Variants in SLCO6A1 observed in about 807,000 individuals in gnomAD.
SLCO6A1 encodes the protein solute carrier organic anion transporter family member 6A1.
SLCO6A1 carries 65 observed loss-of-function variants against 72.7 expected under a neutral mutation model. The observed-to-expected ratio is 0.89, with a 90% CI of 0.73 to 1.10. The LOEUF is 1.10. Among genes scored for constraint, SLCO6A1 ranks in the 50% least tolerant of loss-of-function variants. The probability of loss-of-function intolerance (pLI) is 0.00; values close to 1 mark genes in which losing one functional copy is unlikely to be tolerated. For missense variants in SLCO6A1, 874 were observed against 872.6 expected, an observed-to-expected ratio of 1.00 and a Z score of -0.02; for synonymous variants, 314 against 298.2, an observed-to-expected ratio of 1.05 and a Z score of -0.55.
intron 4 of SLCO6A1, among the ~76,000 whole-genome samples, chr5:102,460,374 G>T (rs1374313425): frequency 6.6e-6 from 1 of 151,996 alleles, no homozygotes; most frequent in East Asian, 1.9e-4. Context: ...TTCTTCATCT[G>T]CCTTTGTTCA....
intron 9 of SLCO6A1, among the ~76,000 whole-genome samples, chr5:102,411,289 T>C (rs1425660405): frequency 6.6e-6 from 1 of 151,924 alleles, no homozygotes; most frequent in African/African-American, 2.4e-5. Flanking sequence ...TTATGAGATA[T>C]GTTCTCACTC....
intron 1 of SLCO6A1, among the ~76,000 whole-genome samples, chr5:102,494,227 A>G (rs775436587): frequency 8.5e-5 from 13 of 152,112 alleles, no homozygotes; most frequent in Non-Finnish European, 1.6e-4. Context: ...CATTTTTTCT[A>G]TATGAAAAAA....
At position 102,394,687 on chromosome 5, in the gene SLCO6A1, A is replaced by G. The variant is rs1050631181; in HGVS notation, c.1815-3642T>C. 4.6e-5 allele frequency among the ~76,000 whole-genome samples: 7 copies of G among 152,266 alleles called. No homozygotes were observed. The East Asian group carries it at 7.7e-4, about 17-fold the overall frequency. On this transcript the variant is annotated intron_variant, in intron 10 of 13. Coordinates refer to ENST00000506729, the MANE Select transcript of SLCO6A1 (RefSeq NM_173488.5). ...TGTTTACATGAAAAAAGATATTAAG[A>G]ATATATTGTTACATTAAAAATCAAA...
intron 6 of SLCO6A1, among the ~76,000 whole-genome samples, chr5:102,443,347 C>T (rs1034475791): frequency 2.0e-5 from 3 of 152,164 alleles, no homozygotes; most frequent in Admixed American, 2.0e-4. Flanking sequence ...ATTTACTTCT[C>T]TTTCTCAATG....
At chr5:102,415,700 G>T (rs762189249) in intron 8 of SLCO6A1, among the ~76,000 whole-genome samples, 14 of 152,020 alleles carry the variant, frequency 9.2e-5, no homozygotes, top group Non-Finnish European at 1.8e-4. Context: ...AACAAAAATA[G>T]ACAAATGGGA....
At chr5:102,385,221 C>T (rs58454928) in intron 12 of SLCO6A1, among the ~76,000 whole-genome samples, 4,053 of 152,146 alleles carry the variant, frequency 0.027, 64 homozygotes, top group South Asian at 0.044. Flanking sequence ...TCTCTTACTG[C>T]TTTCAAAATT....
At chr5:102,406,754 AC>A (rs573510946) in intron 9 of SLCO6A1, among the ~76,000 whole-genome samples, 44 of 152,332 alleles carry the variant, frequency 2.9e-4, no homozygotes, top group African/African-American at 1.0e-3. Flanking sequence ...CTAAAAAAAA[AC>A]ATTAATACTA....
intron 6 of SLCO6A1, among the ~76,000 whole-genome samples, chr5:102,447,152 G>C (rs1750157481): frequency 6.6e-6 from 1 of 152,214 alleles, no homozygotes. Context: ...TTCTGTTTAT[G>C]TGGTGAATCA....
At chr5:102,480,116 C>G in intron 2 of SLCO6A1, 61 bp downstream of exon 2, 1 of 1,457,812 alleles carries the variant, frequency 6.9e-7, no homozygotes, top group Non-Finnish European at 9.3e-7. Flanking sequence ...TTTTAAGTTC[C>G]TTGAGCCAAG....
chr5:102,445,583 T>A (rs1750065179), intron 6 of SLCO6A1, among the ~76,000 whole-genome samples: 1 of 152,176 alleles, frequency 6.6e-6, no homozygotes, highest in African/African-American at 2.4e-5. Flanking sequence ...TTTAATTAAG[T>A]CCCACTTGTC....
At chr5:102,447,899 T>C (rs1750203642) in intron 6 of SLCO6A1, among the ~76,000 whole-genome samples, 2 of 152,198 alleles carry the variant, frequency 1.3e-5, no homozygotes. Context: ...TTTGTTTCCT[T>C]CTTTTCTTCT....
chr5:102,459,829 A>G (rs763138395), intron 4 of SLCO6A1, 52 bp from the exon 5 acceptor site: 3 of 1,471,458 alleles, frequency 2.0e-6, no homozygotes, highest in Non-Finnish European at 2.7e-6. Context: ...TTTGATTACA[A>G]CAAAACCATA....
At chr5:102,449,737 C>A (rs1750312844) in intron 6 of SLCO6A1, among the ~76,000 whole-genome samples, 1 of 152,188 alleles carries the variant, frequency 6.6e-6, no homozygotes, top group Non-Finnish European at 1.5e-5. Flanking sequence ...ACAATATCCT[C>A]CAATATGTTT....
intron 7 of SLCO6A1, among the ~76,000 whole-genome samples, chr5:102,423,954 T>C (rs570922869): frequency 2.9e-4 from 44 of 152,286 alleles, no homozygotes; most frequent in African/African-American, 1.0e-3. Flanking sequence ...AAATTAGATC[T>C]CAGGATTAAG....
intron 9 of SLCO6A1, among the ~76,000 whole-genome samples, chr5:102,400,857 A>C (rs940923459): frequency 5.9e-5 from 9 of 152,152 alleles, no homozygotes; most frequent in African/African-American, 2.2e-4. Flanking sequence ...CCTTCATTCC[A>C]CCAAATATTT....
chr5:102,390,747 T>C (rs1204135662), intron 11 of SLCO6A1, among the ~76,000 whole-genome samples: 1 of 152,176 alleles, frequency 6.6e-6, no homozygotes, highest in Non-Finnish European at 1.5e-5. Context: ...AAATTTGTTG[T>C]CTCTTCTGAT....
At chr5:102,458,300 A>G in intron 6 of SLCO6A1, 82 bp downstream of exon 6, 2 of 1,030,108 alleles carry the variant, frequency 1.9e-6, no homozygotes, top group South Asian at 3.1e-5. Flanking sequence ...TGAACCCTTT[A>G]TGGGTATTTT....
chr5:102,471,009 G>A (rs541050779), intron 4 of SLCO6A1, among the ~76,000 whole-genome samples: 6 of 152,062 alleles, frequency 3.9e-5, no homozygotes, highest in East Asian at 3.9e-4. Flanking sequence ...TGTTATAGGC[G>A]GTGGAGTTAG....
intron 9 of SLCO6A1, among the ~76,000 whole-genome samples, chr5:102,405,785 A>T (rs1457955931): frequency 6.6e-6 from 1 of 152,084 alleles, no homozygotes; most frequent in Non-Finnish European, 1.5e-5. Context: ...TTATTTTCAT[A>T]AGATATTTTA....
Sources: gnomAD v4.1 joint callset for allele counts (sites outside exome capture counted in the v4.1 genomes callset) on GRCh38, gnomAD v4.1.1 for gene constraint, MANE v1.5 for transcripts, NCBI Gene and HGNC (gene_info 2026-07-23, HGNC 2026-07-21) for gene names.